Variants in ASIC2 observed in about 807,000 individuals in gnomAD.
ASIC2 encodes the protein acid sensing ion channel subunit 2.
In ASIC2, 25 loss-of-function variants were observed where a neutral mutation model predicts 57.3. The ratio of observed to expected loss-of-function variants is 0.44; its 90% CI spans 0.32 to 0.61. The LOEUF (loss-of-function observed/expected upper bound fraction) is 0.61, where lower values mean the gene tolerates loss of function less well. Ranked by LOEUF, ASIC2 falls within the 20% of genes least tolerant of loss-of-function variation. The probability of loss-of-function intolerance (pLI) is 0.06; values close to 1 mark genes in which losing one functional copy is unlikely to be tolerated. For synonymous variants in ASIC2, 319 were observed against 307.5 expected (o/e 1.04, Z -0.39); for missense variants, 641 against 738.1 (o/e 0.87, Z 1.52).
intron 1 of ASIC2, among the ~76,000 whole-genome samples, chr17:34,052,699 C>T (rs970048857): frequency 6.6e-6 from 1 of 151,948 alleles, no homozygotes; most frequent in Non-Finnish European, 1.5e-5. Flanking sequence ...TCACTGCAAC[C>T]TCTGCCTCCC....
chr17:33,111,545 T>C (rs1286820769), intron 2 of ASIC2, among the ~76,000 whole-genome samples: 1 of 152,092 alleles, frequency 6.6e-6, no homozygotes, highest in Non-Finnish European at 1.5e-5. Context: ...ATCTTCTAAT[T>C]GGGTCGGGAT....
intron 1 of ASIC2, among the ~76,000 whole-genome samples, chr17:33,387,761 C>G (rs895045975): frequency 7.9e-5 from 12 of 152,162 alleles, no homozygotes; most frequent in African/African-American, 2.9e-4. Flanking sequence ...GTTAACAATA[C>G]TTTATTGTAT....
intron 1 of ASIC2, among the ~76,000 whole-genome samples, chr17:33,223,490 T>C (rs1488705846): frequency 6.6e-6 from 1 of 152,184 alleles, no homozygotes; most frequent in East Asian, 1.9e-4. Context: ...GCCCCCCTTT[T>C]CTAATGTATG....
At chr17:33,967,276 T>C (rs1361774319) in intron 1 of ASIC2, among the ~76,000 whole-genome samples, 2 of 152,054 alleles carry the variant, frequency 1.3e-5, no homozygotes, top group Non-Finnish European at 2.9e-5. Context: ...TGCACTGTGG[T>C]CTAGGCTGGA....
intron 1 of ASIC2, among the ~76,000 whole-genome samples, chr17:33,355,446 C>T (rs1908339792): frequency 6.6e-6 from 1 of 150,988 alleles, no homozygotes; most frequent in Admixed American, 6.6e-5. Context: ...AAAGCAGTGC[C>T]TAGGTTTCCA....
chr17:34,038,515 T>G, intron 1 of ASIC2: 3 of 1,611,806 alleles, frequency 1.9e-6, no homozygotes, highest in South Asian at 2.2e-5. Flanking sequence ...CCTTGTAAAC[T>G]TCACTGAAAC....
At chr17:33,023,786 T>G (rs2091848529) in intron 6 of ASIC2, 75 bp downstream of exon 6, 1 of 1,579,840 alleles carries the variant, frequency 6.3e-7, no homozygotes, top group African/African-American at 1.3e-5. Context: ...ATCTTTGCTT[T>G]CCTCCTTGAT....
Position 34,013,692 on chromosome 17 carries a change from C to T in ASIC2, c.555+142286G>A, listed in dbSNP as rs558199589. Among the ~76,000 whole-genome samples the T allele has an allele frequency of 4.6e-4, 70 of 152,262 alleles. 1 individual carries two copies. The highest frequency in any genetic ancestry group is 1.5e-3 in the African/African-American group (63 of 41,554). On this transcript the variant is annotated intron_variant, in intron 1 of 9. Transcript: ENST00000359872. ...AAACTGGGGCTCTGAGAGGGTAAGTCGCTTCTCCAGGCCACATTGCTAAAG... is the reference window on the plus strand; with the variant it reads ...AAACTGGGGCTCTGAGAGGGTAAGTTGCTTCTCCAGGCCACATTGCTAAAG...
intron 1 of ASIC2, among the ~76,000 whole-genome samples, chr17:33,602,799 A>G (rs569225447): frequency 1.5e-4 from 23 of 152,190 alleles, no homozygotes; most frequent in Non-Finnish European, 2.8e-4. Flanking sequence ...ACTTATTGCT[A>G]TAGCTCTAGC....
chr17:34,120,394 G>A (rs1567829134), intron 1 of ASIC2, among the ~76,000 whole-genome samples: 1 of 152,032 alleles, frequency 6.6e-6, no homozygotes, highest in African/African-American at 2.4e-5. Context: ...ACAGTATAGA[G>A]TGTGTCTGTG....
intron 1 of ASIC2, among the ~76,000 whole-genome samples, chr17:34,087,945 A>G (rs1287756572): frequency 6.6e-6 from 1 of 151,794 alleles, no homozygotes; most frequent in Non-Finnish European, 1.5e-5. Flanking sequence ...ATTCTTCTAA[A>G]TTTTTTTCAA....
At chr17:33,594,153 T>C (rs1458568166) in intron 1 of ASIC2, among the ~76,000 whole-genome samples, 1 of 152,246 alleles carries the variant, frequency 6.6e-6, no homozygotes, top group Non-Finnish European at 1.5e-5. Context: ...GATTCCAGGC[T>C]GCCATTGGCC....
chr17:33,547,175 T>G (rs1915604762), intron 1 of ASIC2, among the ~76,000 whole-genome samples: 1 of 151,998 alleles, frequency 6.6e-6, no homozygotes, highest in Non-Finnish European at 1.5e-5. Flanking sequence ...GAACTACAGT[T>G]TGAGAAGCAC....
chr17:33,826,048 C>T (rs1317365400), intron 1 of ASIC2, among the ~76,000 whole-genome samples: 1 of 152,204 alleles, frequency 6.6e-6, no homozygotes, highest in Non-Finnish European at 1.5e-5. Flanking sequence ...TAATGGTACA[C>T]TGAACTAATG....
At chr17:33,201,208 G>T (rs1197684305) in intron 1 of ASIC2, among the ~76,000 whole-genome samples, 2 of 152,128 alleles carry the variant, frequency 1.3e-5, no homozygotes, top group East Asian at 3.9e-4. Flanking sequence ...CATGGATTTT[G>T]ATCTGTGTGT....
intron 1 of ASIC2, among the ~76,000 whole-genome samples, chr17:33,528,711 C>T (rs1342281922): frequency 1.3e-5 from 2 of 152,206 alleles, no homozygotes; most frequent in Admixed American, 1.3e-4. Flanking sequence ...GCCTCCCTTC[C>T]ATCTACATCT....
chr17:33,694,008 T>A (rs941911799), intron 1 of ASIC2, among the ~76,000 whole-genome samples: 1 of 152,206 alleles, frequency 6.6e-6, no homozygotes, highest in African/African-American at 2.4e-5. Context: ...GTTTATTTCC[T>A]TTGACCATGC....
At chr17:33,056,705 G>A (rs1264659353) in intron 3 of ASIC2, among the ~76,000 whole-genome samples, 2 of 152,172 alleles carry the variant, frequency 1.3e-5, no homozygotes, top group African/African-American at 4.8e-5. Context: ...AGAAATTAAT[G>A]AGCAGAATAG....
At chr17:33,185,145 G>C (rs1209755251) in intron 1 of ASIC2, among the ~76,000 whole-genome samples, 4 of 152,194 alleles carry the variant, frequency 2.6e-5, no homozygotes, top group African/African-American at 9.7e-5. Context: ...CTGTGATGCT[G>C]CCCACTGGCA....
Sources: gnomAD v4.1 joint callset for allele counts (sites outside exome capture counted in the v4.1 genomes callset) on GRCh38, gnomAD v4.1.1 for gene constraint, MANE v1.5 for transcripts, NCBI Gene and HGNC (gene_info 2026-07-23, HGNC 2026-07-21) for gene names.